The following ZFYVE28 variants were observed in gnomAD, a reference collection of about 807,000 sequenced individuals.
ZFYVE28 encodes the protein lateral signaling target protein 2 homolog.
ZFYVE28 carries 40 observed loss-of-function variants against 82.1 expected under a neutral mutation model. That is an observed-to-expected ratio of 0.49 (90% CI 0.38 to 0.63). ZFYVE28 has a LOEUF of 0.63. Ranked by LOEUF, ZFYVE28 falls within the 30% of genes least tolerant of loss-of-function variation. The pLI, the probability that ZFYVE28 is intolerant of heterozygous loss-of-function variation, is 0.00. For missense variants in ZFYVE28, 1,321 were observed against 1,242.1 expected (o/e 1.06, Z -0.96); for synonymous variants, 612 against 546.1 (o/e 1.12, Z -1.68).
In ZFYVE28 at chr4:2,372,694, G is replaced by A. The variant is rs61790669; in HGVS notation, c.40-18621C>T. The stretch of plus-strand genomic sequence containing the variant: ...ACTGGCTGTCACTCCCTCCGCAGAG[G>A]CAGGGGCAGGCACTCCAGGGCTTCG... On this transcript the variant is annotated intron_variant, in intron 1 of 12. Coordinates refer to ENST00000290974, the MANE Select transcript of ZFYVE28 (RefSeq NM_020972.3). This position sits in a 1 kb window ranked among gnomAD's most constrained non-coding sequence, Gnocchi z 5.2. 6.6e-6 allele frequency among the ~76,000 whole-genome samples: 1 copy of A among 152,122 alleles called. No homozygotes were observed. Among genetic ancestry groups the A allele is most frequent in the South Asian group, 2.1e-4 (1 of 4,822 alleles).
chr4:2,337,159 C>A (rs535359839), intron 5 of ZFYVE28, among the ~76,000 whole-genome samples: 17 of 152,158 alleles, frequency 1.1e-4, no homozygotes, highest in African/African-American at 4.1e-4. Flanking sequence ...GACCTTCTGG[C>A]AGACAGAAAA....
chr4:2,357,642 G>A (rs1008940896), intron 1 of ZFYVE28, among the ~76,000 whole-genome samples: 3 of 152,206 alleles, frequency 2.0e-5, no homozygotes, highest in African/African-American at 7.2e-5. Context: ...CTGTGACTGA[G>A]GTGGCCCGGA....
chr4:2,278,786 C>A (rs142214843), intron 8 of ZFYVE28, among the ~76,000 whole-genome samples: 2 of 150,620 alleles, frequency 1.3e-5, no homozygotes, highest in Non-Finnish European at 1.5e-5. Flanking sequence ...AAATGGAAAA[C>A]GGATTTGAAT....
intron 1 of ZFYVE28, chr4:2,364,819 G>A: frequency 2.0e-6 from 2 of 985,616 alleles, no homozygotes; most frequent in Non-Finnish European, 2.4e-6. Flanking sequence ...AATGGCGGGG[G>A]CTGTGTTCCG....
At chr4:2,352,533 G>C (rs1313194394) in intron 2 of ZFYVE28, among the ~76,000 whole-genome samples, 1 of 151,746 alleles carries the variant, frequency 6.6e-6, no homozygotes, top group Non-Finnish European at 1.5e-5. Context: ...ATCAGATGAT[G>C]CTGAGGGACC....
rs756930075 is a variant in ZFYVE28, at chr4:2,402,259, C to CCCT, written c.39+16023_39+16025dup. ...GACAGCCCTGCTGGGTGGGCGGGGCCCCTCCTCCCCAACTCCTCCCAAGGT... is the reference window on the plus strand; with the variant it reads ...GACAGCCCTGCTGGGTGGGCGGGGCCCCTCCTCCTCCCCAACTCCTCCCAAGGT... On this transcript the variant is annotated intron_variant, in intron 1 of 12. Coordinates refer to ENST00000290974, the MANE Select transcript of ZFYVE28 (RefSeq NM_020972.3). Among the ~76,000 whole-genome samples, 183 of 152,274 alleles carry CCCT rather than the reference C, an allele frequency of 1.2e-3. 1 individual carries two copies. Among genetic ancestry groups the CCCT allele is most frequent in the African/African-American group, 4.0e-3 (166 of 41,554 alleles).
At chr4:2,272,578 G>A (rs550942605) in intron 10 of ZFYVE28, among the ~76,000 whole-genome samples, 13 of 152,214 alleles carry the variant, frequency 8.5e-5, no homozygotes, top group Non-Finnish European at 1.5e-4. Context: ...GTATGTGCAC[G>A]TGTCTCTGTG....
intron 2 of ZFYVE28, among the ~76,000 whole-genome samples, chr4:2,346,885 T>C (rs1181424758): frequency 2.0e-5 from 3 of 151,840 alleles, no homozygotes; most frequent in African/African-American, 7.3e-5. Flanking sequence ...AAAGAAAAGA[T>C]GGGACAAACA....
intron 8 of ZFYVE28, among the ~76,000 whole-genome samples, chr4:2,276,004 G>T (rs17132392): frequency 0.053 from 8,122 of 152,302 alleles, 509 homozygotes; most frequent in East Asian, 0.17. Flanking sequence ...AATCCCACGT[G>T]GCGTGAGTCT....
intron 6 of ZFYVE28, chr4:2,328,502 C>T (rs1245715964): frequency 6.6e-6 from 1 of 152,036 alleles, no homozygotes; most frequent in Non-Finnish European, 1.5e-5. Context: ...TAATAGAGTG[C>T]TGTACATTTC....
chr4:2,386,730 C>A (rs1360236696), intron 1 of ZFYVE28, among the ~76,000 whole-genome samples: 5 of 152,268 alleles, frequency 3.3e-5, no homozygotes, highest in African/African-American at 9.6e-5. Context: ...GCCTCCAGGA[C>A]TGTAAGAAAC....
At chr4:2,306,772 C>T (rs575854531) in intron 7 of ZFYVE28, 17 of 152,138 alleles carry the variant, frequency 1.1e-4, no homozygotes, top group Non-Finnish European at 2.1e-4. Context: ...GATCTGGCAA[C>T]GCTATTTCGT....
intron 1 of ZFYVE28, among the ~76,000 whole-genome samples, chr4:2,398,600 G>A (rs1263527913): frequency 2.0e-5 from 3 of 151,364 alleles, no homozygotes; most frequent in Admixed American, 1.3e-4. Context: ...GGTGGAGACC[G>A]AGATCCAGGG....
At chr4:2,330,159 A>C (rs1720445965) in intron 6 of ZFYVE28, 1 of 591,998 alleles carries the variant, frequency 1.7e-6, no homozygotes, top group African/African-American at 2.0e-5. Flanking sequence ...AGTAAGAGAC[A>C]TCTTTGTGAG....
In ZFYVE28 at chr4:2,300,012, G is replaced by A. The variant is rs1715272923; in HGVS notation, c.2051+4277C>T. On this transcript the variant is annotated intron_variant, in intron 8 of 12. Coordinates refer to ENST00000290974, the MANE Select transcript of ZFYVE28 (RefSeq NM_020972.3). This position sits in a 1 kb window ranked among gnomAD's most constrained non-coding sequence, Gnocchi z 4.6. ...GGGGTCTTGCTATGTTGTCCAGGCTGGCCTTGAACTCCTGGCCTCAAGCAA... is the reference window on the plus strand; with the variant it reads ...GGGGTCTTGCTATGTTGTCCAGGCTAGCCTTGAACTCCTGGCCTCAAGCAA... Among the ~76,000 whole-genome samples, 1 of 152,088 alleles carries A rather than the reference G, an allele frequency of 6.6e-6. No homozygotes were observed. Among genetic ancestry groups the A allele is most frequent in the African/African-American group, 2.4e-5 (1 of 41,402 alleles).
intron 2 of ZFYVE28, among the ~76,000 whole-genome samples, chr4:2,342,161 G>C (rs749331379): frequency 5.9e-5 from 9 of 152,222 alleles, no homozygotes; most frequent in Middle Eastern, 3.2e-3. Context: ...GTCAAGGCCA[G>C]GCACAGCTGG....
chr4:2,326,419 C>G lies in ZFYVE28; in HGVS notation c.702-6148G>C, dbSNP rs371743715. Among the ~76,000 whole-genome samples, 406 of 152,292 alleles carry G rather than the reference C, an allele frequency of 2.7e-3. 5 individuals carry two copies. The highest frequency in any genetic ancestry group is 9.3e-3 in the African/African-American group (387 of 41,564). Reference sequence around the variant, plus strand: ...TCCTGTTGTTTTGTTTTTGCCAACTCTAAGCTGTTTTAAAATTACTATAGC... The same window carrying G: ...TCCTGTTGTTTTGTTTTTGCCAACTGTAAGCTGTTTTAAAATTACTATAGC... On this transcript the variant is annotated intron_variant, in intron 6 of 12. Coordinates refer to ENST00000290974, the MANE Select transcript of ZFYVE28 (RefSeq NM_020972.3).
rs748342488 is a variant in ZFYVE28 at position 2,305,278 on chromosome 4, G to A, written c.1062C>T (p.Asp354=). 21 of 1,612,938 alleles carry A rather than the reference G, an allele frequency of 1.3e-5. No homozygotes were observed. Among genetic ancestry groups the A allele is most frequent in the African/African-American group, 4.0e-5 (3 of 74,946 alleles). Reference sequence around the variant, plus strand: ...GCGGTGAAAGCAAAGAGGACATCTCGTCCCCCGCCCTGTGGACCATGCGGC... The same window carrying A: ...GCGGTGAAAGCAAAGAGGACATCTCATCCCCCGCCCTGTGGACCATGCGGC... ...QLSRMVHRAG[D]EMSSLLSPPI... Residue 354 remains aspartate (D), a synonymous_variant, in exon 8 of 13, where the codon GAC becomes GAT. Transcript: ENST00000290974.
chr4:2,278,291 G>A (rs1736663988), intron 8 of ZFYVE28, among the ~76,000 whole-genome samples: 1 of 145,704 alleles, frequency 6.9e-6, no homozygotes, highest in South Asian at 2.2e-4. Context: ...GGGCTCAAGT[G>A]AGCCTCCCAT....
Sources: gnomAD v4.1 joint callset for allele counts (sites outside exome capture counted in the v4.1 genomes callset) on GRCh38, gnomAD v4.1.1 for gene constraint, Gnocchi (gnomAD v3.1) non-coding constraint, MANE v1.5 for transcripts, NCBI Gene and HGNC (gene_info 2026-07-23, HGNC 2026-07-21) for gene names.